Variants in C8orf34 observed in about 807,000 individuals in gnomAD.
C8orf34 encodes the protein chromosome 8 open reading frame 34.
Under a neutral mutation model 68.3 loss-of-function variants are expected in C8orf34, and 65 were observed. The observed-to-expected ratio is 0.95, with a 90% CI of 0.78 to 1.17. The LOEUF (loss-of-function observed/expected upper bound fraction) is 1.17, where lower values mean the gene tolerates loss of function less well. C8orf34 is among the 50% of genes most tolerant of loss of function. The pLI, the probability that C8orf34 is intolerant of heterozygous loss-of-function variation, is 0.00. For missense variants in C8orf34, 664 were observed against 655.4 expected (o/e 1.01, Z -0.14); for synonymous variants, 244 against 241.2 (o/e 1.01, Z -0.11).
At chr8:68,407,433 C>T (rs543805672) in intron 1 of C8orf34, among the ~76,000 whole-genome samples, 1 of 152,050 alleles carries the variant, frequency 6.6e-6, no homozygotes, top group Admixed American at 6.6e-5. Flanking sequence ...TTTTTAACAT[C>T]CAGTTTTACT....
intron 10 of C8orf34, among the ~76,000 whole-genome samples, chr8:68,724,974 C>T (rs1162608539): frequency 6.6e-6 from 1 of 152,080 alleles, no homozygotes; most frequent in African/African-American, 2.4e-5. Context: ...TTCCTCCCAC[C>T]TCAGCACCTC....
rs527991012 is a variant in C8orf34 at position 68,409,182 on chromosome 8, A to G, written c.328-30317A>G. Among the ~76,000 whole-genome samples the G allele has an allele frequency of 2.0e-5, 3 of 152,262 alleles. No homozygotes were observed. The South Asian group carries it at 6.2e-4, about 32-fold the overall frequency. On this transcript the variant is annotated intron_variant, in intron 1 of 13. Coordinates refer to ENST00000518698, the MANE Select transcript of C8orf34 (RefSeq NM_052958.4). Reference sequence around the variant, plus strand: ...AAATGGCTATGTTACTAGTTTATGTATTTTCTATATTTGAATAATTATTTT... The same window carrying G: ...AAATGGCTATGTTACTAGTTTATGTGTTTTCTATATTTGAATAATTATTTT...
intron 8 of C8orf34, among the ~76,000 whole-genome samples, chr8:68,653,524 C>T (rs1000942206): frequency 3.3e-5 from 5 of 152,082 alleles, no homozygotes; most frequent in Non-Finnish European, 4.4e-5. Context: ...GGCTTATAAA[C>T]GAGGGAAATT....
chr8:68,400,050 T>C (rs1808881335), intron 1 of C8orf34, among the ~76,000 whole-genome samples: 1 of 152,206 alleles, frequency 6.6e-6, no homozygotes. Flanking sequence ...GAGTTCCATG[T>C]AAACTCTAGG....
At chr8:68,522,864 GT>G (rs1324627526) in intron 6 of C8orf34, among the ~76,000 whole-genome samples, 2 of 152,146 alleles carry the variant, frequency 1.3e-5, no homozygotes, top group African/African-American at 2.4e-5. Flanking sequence ...TCACAGAAGA[GT>G]TTTTCCTGTG....
chr8:68,690,495 G>A (rs150661448), intron 8 of C8orf34, among the ~76,000 whole-genome samples: 147 of 152,042 alleles, frequency 9.7e-4, no homozygotes, highest in African/African-American at 3.4e-3. Flanking sequence ...AAATCAAGGC[G>A]CCAGGAGATT....
chr8:68,746,556 C>A (rs1585818744), intron 10 of C8orf34, among the ~76,000 whole-genome samples: 1 of 134,640 alleles, frequency 7.4e-6, no homozygotes, highest in African/African-American at 2.8e-5. Flanking sequence ...GGGGATATCA[C>A]CACCGATCCC....
intron 12 of C8orf34, among the ~76,000 whole-genome samples, chr8:68,793,488 A>G (rs1289297556): frequency 1.3e-5 from 2 of 152,248 alleles, no homozygotes; most frequent in Non-Finnish European, 2.9e-5. Flanking sequence ...GCAAACATAA[A>G]AAGGAACAAG....
intron 10 of C8orf34, among the ~76,000 whole-genome samples, chr8:68,769,733 C>T (rs1231089616): frequency 6.6e-6 from 1 of 151,914 alleles, no homozygotes; most frequent in African/African-American, 2.4e-5. Context: ...ATTTGTTTTC[C>T]TTCATTTATT....
intron 2 of C8orf34, among the ~76,000 whole-genome samples, chr8:68,440,044 A>G (rs1238599379): frequency 6.6e-6 from 1 of 152,126 alleles, no homozygotes; most frequent in Non-Finnish European, 1.5e-5. Flanking sequence ...CAAACTGATG[A>G]TTGTTCTTTA....
chr8:68,385,420 TA>T (rs1367402243), intron 1 of C8orf34, among the ~76,000 whole-genome samples: 1 of 152,206 alleles, frequency 6.6e-6, no homozygotes, highest in African/African-American at 2.4e-5. Context: ...GTTTTCAACA[TA>T]GAAAACTAGG....
intron 7 of C8orf34, among the ~76,000 whole-genome samples, chr8:68,561,216 C>T (rs1407246403): frequency 1.3e-5 from 2 of 151,962 alleles, no homozygotes; most frequent in Non-Finnish European, 2.9e-5. Flanking sequence ...CTCCTGGGAT[C>T]AAGGAATCTG....
intron 10 of C8orf34, among the ~76,000 whole-genome samples, chr8:68,768,332 TA>T (rs1362344967): frequency 1.3e-5 from 2 of 152,188 alleles, no homozygotes. Context: ...CTGATTTTTT[TA>T]AAAGTCTTGG....
intron 8 of C8orf34, among the ~76,000 whole-genome samples, chr8:68,653,973 A>G (rs2130787683): frequency 6.6e-6 from 1 of 152,334 alleles, no homozygotes; most frequent in South Asian, 2.1e-4. Context: ...TGGTCCAACC[A>G]CAATGTTTTA....
At chr8:68,763,262 C>G (rs1447831862) in intron 10 of C8orf34, among the ~76,000 whole-genome samples, 1 of 152,178 alleles carries the variant, frequency 6.6e-6, no homozygotes, top group Non-Finnish European at 1.5e-5. Context: ...CTTCTGCAAG[C>G]AGGTAATTTC....
At chr8:68,525,567 C>T in intron 6 of C8orf34, 1 of 919,476 alleles carries the variant, frequency 1.1e-6, no homozygotes, top group Non-Finnish European at 1.7e-6. Context: ...CGTCTTACTT[C>T]TTTGTGGTCC....
chr8:68,456,149 G>T (rs189029991), intron 3 of C8orf34, among the ~76,000 whole-genome samples: 3 of 151,074 alleles, frequency 2.0e-5, no homozygotes, highest in Non-Finnish European at 4.4e-5. Flanking sequence ...CCACCTACTC[G>T]GGAGGCTGAG....
intron 6 of C8orf34, among the ~76,000 whole-genome samples, chr8:68,531,030 A>T (rs567832042): frequency 4.6e-5 from 7 of 152,194 alleles, no homozygotes; most frequent in Admixed American, 3.9e-4. Context: ...TTTATCTATG[A>T]CCTATTATCT....
At position 68,794,253 on chromosome 8, in the gene C8orf34, C is replaced by G. The variant is rs149576504; in HGVS notation, c.1549+6717C>G. 4.2e-3 allele frequency among the ~76,000 whole-genome samples: 639 copies of G among 151,478 alleles called. 6 individuals carry two copies. The highest frequency in any genetic ancestry group is 0.015 in the African/African-American group (604 of 41,146). On this transcript the variant is annotated intron_variant, in intron 12 of 13. Transcript: ENST00000518698. The stretch of plus-strand genomic sequence containing the variant: ...GGGGGGCAATCACAGCTCACTGAAA[C>G]CTCTGCCTCCAGGGCTCAAGCGATC...
Sources: gnomAD v4.1 joint callset for allele counts (sites outside exome capture counted in the v4.1 genomes callset) on GRCh38, gnomAD v4.1.1 for gene constraint, MANE v1.5 for transcripts, NCBI Gene and HGNC (gene_info 2026-07-23, HGNC 2026-07-21) for gene names.